The following SPAG16 variants were observed in gnomAD, a reference collection of about 807,000 sequenced individuals.
The protein encoded by SPAG16 is sperm associated antigen 16, also known as sperm-associated antigen 16 protein.
In SPAG16, 86 loss-of-function variants were observed where a neutral mutation model predicts 80.4. That is an observed-to-expected ratio of 1.07 (90% CI 0.90 to 1.28). SPAG16 has a LOEUF of 1.28. SPAG16 is among the 50% of genes most tolerant of loss of function. The pLI, the probability that SPAG16 is intolerant of heterozygous loss-of-function variation, is 0.00. For missense variants in SPAG16, 870 were observed against 765.3 expected (o/e 1.14, Z -1.61); for synonymous variants, 294 against 265.9 (o/e 1.11, Z -1.03).
intron 15 of SPAG16, among the ~76,000 whole-genome samples, chr2:214,394,602 G>T (rs907705061): frequency 4.6e-5 from 7 of 151,920 alleles, no homozygotes; most frequent in African/African-American, 1.7e-4. Context: ...ATCAGTTTTA[G>T]TTTCACAGAA....
chr2:214,211,249 A>T (rs371515954), intron 15 of SPAG16, among the ~76,000 whole-genome samples: 57 of 152,324 alleles, frequency 3.7e-4, no homozygotes, highest in African/African-American at 1.3e-3. Flanking sequence ...CATGAAAAAC[A>T]AAATATCTGA....
intron 1 of SPAG16, among the ~76,000 whole-genome samples, chr2:213,292,844 A>C (rs2062348640): frequency 6.6e-6 from 1 of 152,124 alleles, no homozygotes; most frequent in South Asian, 2.1e-4. Context: ...GAGTGAGAAA[A>C]GAAATGACAA....
At chr2:214,135,783 G>GCA (rs1181932605) in intron 14 of SPAG16, among the ~76,000 whole-genome samples, 2 of 150,874 alleles carry the variant, frequency 1.3e-5, no homozygotes, top group Non-Finnish European at 2.9e-5. Flanking sequence ...TGTGATCTCT[G>GCA]CACACACTGG....
intron 10 of SPAG16, among the ~76,000 whole-genome samples, chr2:213,849,127 G>A (rs1342983157): frequency 1.3e-5 from 2 of 152,166 alleles, no homozygotes; most frequent in African/African-American, 4.8e-5. Context: ...GAGGACCTCA[G>A]GCTGCTGTCA....
intron 11 of SPAG16, among the ~76,000 whole-genome samples, chr2:213,866,146 A>G (rs537650492): frequency 9.9e-5 from 15 of 151,868 alleles, no homozygotes; most frequent in African/African-American, 2.2e-4. Context: ...AAGAAAGAAA[A>G]AAAAGTGTTA....
At chr2:213,287,028 C>A (rs2062080653) in intron 1 of SPAG16, among the ~76,000 whole-genome samples, 1 of 152,162 alleles carries the variant, frequency 6.6e-6, no homozygotes, top group Non-Finnish European at 1.5e-5. Flanking sequence ...TTCTAAGGAA[C>A]CCAGAATATC....
At chr2:214,093,061 A>G (rs1032691079) in intron 13 of SPAG16, among the ~76,000 whole-genome samples, 9 of 151,990 alleles carry the variant, frequency 5.9e-5, no homozygotes, top group African/African-American at 2.2e-4. Context: ...CCTTCATCTA[A>G]GTCTTTTAAG....
intron 2 of SPAG16, chr2:213,296,931 GGAAAGCAC>G: frequency 2.0e-6 from 1 of 494,716 alleles, no homozygotes; most frequent in Admixed American, 4.8e-5. Flanking sequence ...AAGTGATGGT[GGAAAGCAC>G]TTGAGATGGG....
intron 13 of SPAG16, among the ~76,000 whole-genome samples, chr2:214,020,097 A>G (rs1388700276): frequency 6.6e-6 from 1 of 152,092 alleles, no homozygotes; most frequent in Non-Finnish European, 1.5e-5. Flanking sequence ...TACCATTATT[A>G]TCTTTATTTC....
chr2:213,824,699 C>T (rs2125701810), intron 10 of SPAG16, among the ~76,000 whole-genome samples: 1 of 152,182 alleles, frequency 6.6e-6, no homozygotes, highest in South Asian at 2.1e-4. Context: ...GTTCTTTTAG[C>T]TCAGGGTAGT....
chr2:214,040,074 G>A (rs1575933154), intron 13 of SPAG16, among the ~76,000 whole-genome samples: 1 of 152,122 alleles, frequency 6.6e-6, no homozygotes. Flanking sequence ...AACCTGAAAA[G>A]ATATCTTAAA....
intron 13 of SPAG16, among the ~76,000 whole-genome samples, chr2:214,054,458 G>A (rs949303481): frequency 6.6e-6 from 1 of 152,118 alleles, no homozygotes; most frequent in Non-Finnish European, 1.5e-5. Context: ...TTTTTATAGA[G>A]CAGTAAAGAG....
At chr2:214,275,521 T>A (rs2125902695) in intron 15 of SPAG16, among the ~76,000 whole-genome samples, 1 of 152,346 alleles carries the variant, frequency 6.6e-6, no homozygotes. Context: ...TCAAAGAACA[T>A]CTTTATTTCT....
At chr2:213,873,805 A>G (rs565185220) in intron 11 of SPAG16, among the ~76,000 whole-genome samples, 5 of 152,052 alleles carry the variant, frequency 3.3e-5, no homozygotes, top group Admixed American at 3.3e-4. Flanking sequence ...CTTAATGGTG[A>G]GGATACATTT....
At chr2:214,154,717 T>TA (rs1208586335) in intron 15 of SPAG16, among the ~76,000 whole-genome samples, 1 of 152,134 alleles carries the variant, frequency 6.6e-6, no homozygotes, top group Non-Finnish European at 1.5e-5. Flanking sequence ...CTCCACTAGT[T>TA]ACTAGCAAAA....
rs73989432 is a variant in SPAG16, at chr2:214,338,681, G to A, written c.1721-71459G>A. 3.6e-3 allele frequency among the ~76,000 whole-genome samples: 551 copies of A among 152,194 alleles called. 3 individuals carry two copies. Among genetic ancestry groups the A allele is most frequent in the African/African-American group, 0.012 (516 of 41,520 alleles). ...GCTCCATAATAGAATGAAAAGGTGA[G>A]CCACAATTCTATCAGCTTTTTCTAC... On this transcript the variant is annotated intron_variant, in intron 15 of 15. Transcript: ENST00000331683.
At chr2:213,949,927 A>G (rs573470166) in intron 12 of SPAG16, among the ~76,000 whole-genome samples, 2 of 152,330 alleles carry the variant, frequency 1.3e-5, no homozygotes, top group Non-Finnish European at 2.9e-5. Flanking sequence ...AGTGAGTACA[A>G]TTCTTACACG....
rs1236358518 is a variant in SPAG16 at position 213,406,957 on chromosome 2, A to G, written c.942+31838A>G. 4.2e-5 allele frequency among the ~76,000 whole-genome samples: 6 copies of G among 142,388 alleles called. No individual in the cohort carries two copies. The East Asian group carries it at 6.3e-4, about 15-fold the overall frequency. The allele number at this position is 142,388 out of a possible 152,430, so 93.4% of individuals were successfully genotyped here. ...GATTTAAAAAAAAAAAAAAAAAAAA[A>G]GGGAAAAGAAACTGGCCAGCAACCT... On this transcript the variant is annotated intron_variant, in intron 9 of 15. Coordinates refer to ENST00000331683, the MANE Select transcript of SPAG16 (RefSeq NM_024532.5).
intron 10 of SPAG16, among the ~76,000 whole-genome samples, chr2:213,636,583 T>G (rs2062372968): frequency 6.6e-6 from 1 of 152,244 alleles, no homozygotes; most frequent in South Asian, 2.1e-4. Flanking sequence ...TACCTGTCCA[T>G]GAGCATGGGA....
Sources: gnomAD v4.1 joint callset for allele counts (sites outside exome capture counted in the v4.1 genomes callset) on GRCh38, gnomAD v4.1.1 for gene constraint, MANE v1.5 for transcripts, NCBI Gene and HGNC (gene_info 2026-07-23, HGNC 2026-07-21) for gene names.